LSM14A: variants seen among roughly 807,000 people sequenced by gnomAD.
LSM14A encodes the protein protein LSM14 homolog A.
A neutral mutation model predicts 52.4 loss-of-function variants in LSM14A; 14 were observed. The ratio of observed to expected loss-of-function variants is 0.27; its 90% CI spans 0.18 to 0.42. The LOEUF is 0.42. Among genes scored for constraint, LSM14A ranks in the 10% least tolerant of loss-of-function variants. LSM14A has a pLI of 1.00. For missense variants in LSM14A, 417 were observed against 581.8 expected (o/e 0.72, Z 2.91); for synonymous variants, 185 against 200.3 (o/e 0.92, Z 0.64).
chr19:34,189,160 T>TC (rs1447969906), intron 1 of LSM14A, among the ~76,000 whole-genome samples: 1 of 152,252 alleles, frequency 6.6e-6, no homozygotes, highest in East Asian at 1.9e-4. Context: ...TTCATGATAA[T>TC]CCCCAAAATA....
intron 3 of LSM14A, among the ~76,000 whole-genome samples, chr19:34,197,431 C>CTTTTTTTTTTTTTTTTTTTTTTTT (rs531343486): frequency 1.6e-5 from 1 of 63,304 alleles, no homozygotes; most frequent in Non-Finnish European, 2.8e-5. Flanking sequence ...ATTTCTTTTT[C>CTTTTTTTTTTTTTTTTTTTTTTTT]TTTTTTTTTT....
intron 1 of LSM14A, among the ~76,000 whole-genome samples, chr19:34,191,421 C>T (rs1041863350): frequency 6.6e-6 from 1 of 152,134 alleles, no homozygotes; most frequent in South Asian, 2.1e-4. Flanking sequence ...AAATGAAGAC[C>T]GTGTCCTCTT....
At chr19:34,185,298 T>C (rs2069810437) in intron 1 of LSM14A, among the ~76,000 whole-genome samples, 1 of 152,198 alleles carries the variant, frequency 6.6e-6, no homozygotes, top group Non-Finnish European at 1.5e-5. Flanking sequence ...TGATCGAGAA[T>C]ATTGCAGACA....
intron 4 of LSM14A, among the ~76,000 whole-genome samples, chr19:34,211,812 G>A (rs1485439247): frequency 1.3e-5 from 2 of 151,728 alleles, no homozygotes; most frequent in African/African-American, 4.8e-5. Flanking sequence ...AAAGATGTTG[G>A]GAAGACTTTA....
At position 34,213,148 on chromosome 19, in the gene LSM14A, C is replaced by G. The variant is rs377020923; in HGVS notation, c.539-1976C>G. On this transcript the variant is annotated intron_variant, in intron 4 of 9. Coordinates refer to ENST00000544216, the MANE Select transcript of LSM14A (RefSeq NM_015578.4). ...CCAGAGCAACAGAACAAGACCCTAT[C>G]CTGTCCCTAAAAAACAAAAAACAAA... 3.3e-5 allele frequency among the ~76,000 whole-genome samples: 5 copies of G among 152,052 alleles called. No homozygotes were observed. In the East Asian group the frequency reaches 5.8e-4, roughly 18 times the overall value.
chr19:34,213,002 T>C (rs2072281311), intron 4 of LSM14A, among the ~76,000 whole-genome samples: 1 of 151,984 alleles, frequency 6.6e-6, no homozygotes, highest in Non-Finnish European at 1.5e-5. Context: ...ATAAAAAAAA[T>C]TAGCAAGGTG....
At chr19:34,218,779 A>G (rs919791584) in intron 6 of LSM14A, among the ~76,000 whole-genome samples, 6 of 151,706 alleles carry the variant, frequency 4.0e-5, no homozygotes, top group African/African-American at 1.2e-4. Flanking sequence ...GTGTAGATAC[A>G]GGAAGGCTTG....
At chr19:34,205,955 G>A (rs1251035134) in intron 3 of LSM14A, among the ~76,000 whole-genome samples, 1 of 152,014 alleles carries the variant, frequency 6.6e-6, no homozygotes. Flanking sequence ...TGAAAGAGTA[G>A]ACGTCAGTAT....
Position 34,194,539 on chromosome 19 carries a change from C to G in LSM14A, c.183C>G (p.Val61=). 2 of 1,614,058 alleles carry G rather than the reference C, an allele frequency of 1.2e-6. No homozygotes were observed. Among genetic ancestry groups the G allele is most frequent in the Non-Finnish European group, 1.7e-6 (2 of 1,179,948 alleles). ...GTCCAATACCACCTCGAGATGAAGT[C>G]TTTGAATACATTATATTCCGTGGGA... ...TDRPIPPRDE[V]FEYIIFRGSD... is the part of the protein sequence containing the mutation. The change falls in exon 2 of 10, where the codon GTC becomes GTG. Residue 61 remains valine, a synonymous_variant. Transcript: ENST00000544216.
intron 4 of LSM14A, among the ~76,000 whole-genome samples, chr19:34,210,942 A>G (rs1181712878): frequency 6.6e-6 from 1 of 152,172 alleles, no homozygotes; most frequent in African/African-American, 2.4e-5. Flanking sequence ...AGCATTATTC[A>G]TGAAGAATGA....
At chr19:34,214,660 G>A (rs2072442135) in intron 4 of LSM14A, among the ~76,000 whole-genome samples, 1 of 152,158 alleles carries the variant, frequency 6.6e-6, no homozygotes, top group Non-Finnish European at 1.5e-5. Flanking sequence ...GTAGATAGAT[G>A]TAAAGGTATT....
At chr19:34,213,497 AGTT>A (rs2072324253) in intron 4 of LSM14A, among the ~76,000 whole-genome samples, 1 of 152,340 alleles carries the variant, frequency 6.6e-6, no homozygotes, top group Admixed American at 6.5e-5. Context: ...AGCACTCACC[AGTT>A]GTTTGACACC....
At chr19:34,196,315 A>G (rs973047088) in intron 2 of LSM14A, among the ~76,000 whole-genome samples, 2 of 152,158 alleles carry the variant, frequency 1.3e-5, no homozygotes, top group Non-Finnish European at 2.9e-5. Context: ...GATTTTTCTC[A>G]TATTTTTCTT....
At position 34,192,319 on chromosome 19, in the gene LSM14A, G is replaced by GTTTTTTTTTTTTT. The variant is rs71165632; in HGVS notation, c.122-2148_122-2136dup. Among the ~76,000 whole-genome samples the GTTTTTTTTTTTTT allele has an allele frequency of 1.5e-3, 78 of 53,398 alleles. 12 individuals carry two copies. The highest frequency in any genetic ancestry group is 2.6e-3 in the African/African-American group (32 of 12,362). 35.0% of individuals were successfully genotyped at this position (53,398 alleles called of 152,430 possible). A position where few individuals can be genotyped will look rare whatever the true frequency, so the allele number is the denominator to read the frequency against. ...ACACTGAAATAACATTCTTTTTGTT[G>GTTTTTTTTTTTTT]TTTTTTTTTTTTTTTTTTTTTTTGG... is the stretch of plus-strand genomic sequence containing the variant. On this transcript the variant is annotated intron_variant, in intron 1 of 9. Transcript: ENST00000544216.
intron 1 of LSM14A, among the ~76,000 whole-genome samples, chr19:34,192,324 T>TG (rs1208150105): frequency 9.9e-6 from 1 of 100,702 alleles, no homozygotes; most frequent in Non-Finnish European, 2.0e-5. Context: ...TTGTTGTTTT[T>TG]TTTTTTTTTT....
chr19:34,221,233 C>T (rs1013148082), intron 8 of LSM14A: 5 of 399,750 alleles, frequency 1.3e-5, no homozygotes, highest in Admixed American at 3.9e-5. Context: ...CAGGCACCTG[C>T]CACCATGCCC....
intron 3 of LSM14A, 93 bp from the exon 4 acceptor site, chr19:34,208,836 T>C (rs2071907330): frequency 3.7e-6 from 3 of 804,936 alleles, no homozygotes; most frequent in Non-Finnish European, 5.7e-6. Context: ...AGGTAGACAA[T>C]TACCATCATT....
intron 2 of LSM14A, among the ~76,000 whole-genome samples, chr19:34,195,030 A>G (rs1175591346): frequency 6.6e-6 from 1 of 152,052 alleles, no homozygotes; most frequent in African/African-American, 2.4e-5. Context: ...TTCAGAATCT[A>G]GGATCCGTGC....
chr19:34,229,018 C>T lies in LSM14A; in HGVS notation c.*1630C>T, dbSNP rs2073471054. ...CAAATCATGATATTGAACACAGTTC[C>T]GAGGCATTCAGAGCATCAGAGCAAG... On this transcript the variant is annotated 3_prime_UTR_variant, in exon 10 of 10. Transcript: ENST00000544216. The T allele has an allele frequency of 6.6e-6, 1 of 152,114 alleles. No individual in the cohort carries two copies. The highest frequency in any genetic ancestry group is 1.5e-5 in the Non-Finnish European group (1 of 68,030). 9.4% of individuals were successfully genotyped at this position (152,114 alleles called of 1,614,324 possible).
Sources: gnomAD v4.1 joint callset for allele counts (sites outside exome capture counted in the v4.1 genomes callset) on GRCh38, gnomAD v4.1.1 for gene constraint, MANE v1.5 for transcripts, NCBI Gene and HGNC (gene_info 2026-07-23, HGNC 2026-07-21) for gene names.